The following SNX29 variants were observed in gnomAD, a reference collection of about 807,000 sequenced individuals.
SNX29 encodes sorting nexin 29, also known as sorting nexin-29.
SNX29 carries 78 observed loss-of-function variants against 102.1 expected under a neutral mutation model. That is an observed-to-expected ratio of 0.76 (90% CI 0.64 to 0.92). The LOEUF (loss-of-function observed/expected upper bound fraction) is 0.92. Among genes scored for constraint, SNX29 ranks in the 40% least tolerant of loss-of-function variants. The pLI is 0.00. For missense variants in SNX29, 1,280 were observed against 1,061.7 expected, an observed-to-expected ratio of 1.21 and a Z score of -2.86; for synonymous variants, 580 against 414.5, an observed-to-expected ratio of 1.40 and a Z score of -4.85.
At chr16:12,390,142 A>G (rs1307908941) in intron 16 of SNX29, among the ~76,000 whole-genome samples, 7 of 133,998 alleles carry the variant, frequency 5.2e-5, no homozygotes, top group African/African-American at 2.1e-4. Flanking sequence ...CGTGCGTGCA[A>G]TTGAGGGGTG....
chr16:12,476,351 CAAAAAAAAAAAAAAAAAAAA>C (rs150729550), intron 18 of SNX29, among the ~76,000 whole-genome samples: 1 of 9,048 alleles, frequency 1.1e-4, no homozygotes, highest in Non-Finnish European at 2.2e-4. Flanking sequence ...CGACATTTCT[CAAAAAAAAAAAAAAAAAAAA>C]AAAAAAAAAA....
At chr16:11,979,948 A>G (rs1469462164) in intron 1 of SNX29, among the ~76,000 whole-genome samples, 1 of 152,136 alleles carries the variant, frequency 6.6e-6, no homozygotes. Flanking sequence ...CGGCCATAAC[A>G]TTTTATTTTA....
chr16:12,490,336 A>G (rs142425642), intron 19 of SNX29, among the ~76,000 whole-genome samples: 81 of 152,296 alleles, frequency 5.3e-4, no homozygotes, highest in African/African-American at 1.9e-3. Context: ...TTCTCTCAGC[A>G]TCACATCTGT....
At chr16:12,280,269 T>C (rs1596740175) in intron 15 of SNX29, among the ~76,000 whole-genome samples, 4 of 152,064 alleles carry the variant, frequency 2.6e-5, no homozygotes, top group Non-Finnish European at 5.9e-5. Context: ...GGGAGAAAGG[T>C]GATGCTGTGG....
Position 12,088,222 on chromosome 16 carries a change from C to T in SNX29, c.1402+9307C>T, listed in dbSNP as rs370627229. 7.8e-4 allele frequency: 325 copies of T among 417,890 alleles called. 5 individuals are homozygous for T. The East Asian group carries it at 0.017, about 22-fold the overall frequency. 25.9% of individuals were successfully genotyped at this position (417,890 alleles called of 1,614,324 possible). Reference sequence around the variant, plus strand: ...CAGGAGAGGCAGGAACAGATCTGGTCAGCTGATCCAGCACCTGCAGAAGGC... The same window carrying T: ...CAGGAGAGGCAGGAACAGATCTGGTTAGCTGATCCAGCACCTGCAGAAGGC... On this transcript the variant is annotated intron_variant, in intron 11 of 20. Transcript: ENST00000566228.
intron 14 of SNX29, among the ~76,000 whole-genome samples, chr16:12,241,410 T>G (rs1413203144): frequency 6.6e-6 from 1 of 152,192 alleles, no homozygotes; most frequent in East Asian, 1.9e-4. Flanking sequence ...CTTGGTGTTA[T>G]GTGGACCTAG....
chr16:12,413,608 A>G lies in SNX29; in HGVS notation c.2037+10079A>G, dbSNP rs115968983. Reference sequence around the variant, plus strand: ...TCGAGACAATGGCACCTCGGAAGCAACGAAGTGACGTGAGTGTTCAGTGGT... The same window carrying G: ...TCGAGACAATGGCACCTCGGAAGCAGCGAAGTGACGTGAGTGTTCAGTGGT... On this transcript the variant is annotated intron_variant, in intron 18 of 20. Transcript: ENST00000566228. Among the ~76,000 whole-genome samples the G allele has an allele frequency of 9.3e-3, 1,423 of 152,272 alleles. 21 individuals are homozygous for G. The highest frequency in any genetic ancestry group is 0.032 in the African/African-American group (1,337 of 41,532).
chr16:12,233,462 G>T (rs2077831711), intron 14 of SNX29, among the ~76,000 whole-genome samples: 1 of 152,162 alleles, frequency 6.6e-6, no homozygotes, highest in Non-Finnish European at 1.5e-5. Context: ...AGGAGCAAGG[G>T]TTGAAAAACT....
chr16:12,442,901 AAAAAACTTTTTTT>A, intron 18 of SNX29: 1 of 421,842 alleles, frequency 2.4e-6, no homozygotes, highest in Non-Finnish European at 4.8e-6. Context: ...CTGTGTTCAA[AAAAAACTTTTTTT>A]TCTGGTTTGA....
Position 12,572,585 on chromosome 16 carries a change from G to T in SNX29, c.*3956G>T. The T allele has an allele frequency of 9.4e-7, 1 of 1,064,018 alleles. No individual in the cohort carries two copies. The highest frequency in any genetic ancestry group is 1.1e-6 in the Non-Finnish European group (1 of 878,418). The allele number at this position is 1,064,018 out of a possible 1,614,324, so 65.9% of individuals were successfully genotyped here. A position where few individuals can be genotyped will look rare whatever the true frequency, so the allele number is the denominator to read the frequency against. ...CAGGGAGGTCCAGCCATGTTCTCTG[G>T]GCTCCCAGTGAGCCCCCTCCCCTCC... is the stretch of plus-strand genomic sequence containing the variant. On this transcript the variant is annotated 3_prime_UTR_variant, in exon 21 of 21. Transcript: ENST00000566228.
intron 20 of SNX29, among the ~76,000 whole-genome samples, chr16:12,554,522 G>T (rs1195543262): frequency 1.3e-5 from 2 of 152,216 alleles, no homozygotes; most frequent in African/African-American, 2.4e-5. Context: ...ATGCTGCATT[G>T]AACATTCTCG....
At chr16:12,534,765 G>C (rs905151166) in intron 20 of SNX29, among the ~76,000 whole-genome samples, 3 of 152,146 alleles carry the variant, frequency 2.0e-5, no homozygotes, top group African/African-American at 7.2e-5. Flanking sequence ...TTCTTTCTGC[G>C]TCTACCCCTC....
Position 12,379,743 on chromosome 16 carries a change from G to T in SNX29, c.1900-18703G>T, listed in dbSNP as rs371090682. On this transcript the variant is annotated intron_variant, in intron 16 of 20. Coordinates refer to ENST00000566228, the MANE Select transcript of SNX29 (RefSeq NM_032167.5). Reference sequence around the variant, plus strand: ...CTGATTTCTCTCTGGCAGGGCTGCTGCTTGGGTTTGATCACTGTGAGCAAC... The same window carrying T: ...CTGATTTCTCTCTGGCAGGGCTGCTTCTTGGGTTTGATCACTGTGAGCAAC... 5.9e-5 allele frequency among the ~76,000 whole-genome samples: 9 copies of T among 152,188 alleles called. No individual in the cohort carries two copies. The East Asian group carries it at 1.3e-3, about 23-fold the overall frequency.
At chr16:12,112,697 AG>A (rs1205912325) in intron 11 of SNX29, among the ~76,000 whole-genome samples, 3 of 152,160 alleles carry the variant, frequency 2.0e-5, no homozygotes, top group Non-Finnish European at 4.4e-5. Flanking sequence ...TTCGAGTGAA[AG>A]GGTGCTAAAT....
chr16:12,384,982 C>A (rs1252010697), intron 16 of SNX29, among the ~76,000 whole-genome samples: 1 of 152,160 alleles, frequency 6.6e-6, no homozygotes, highest in Non-Finnish European at 1.5e-5. Flanking sequence ...ACCAGCCTGA[C>A]CAACATGGTG....
At chr16:12,426,535 TACTC>T (rs776529246) in intron 18 of SNX29, among the ~76,000 whole-genome samples, 1 of 152,190 alleles carries the variant, frequency 6.6e-6, no homozygotes, top group Non-Finnish European at 1.5e-5. Context: ...TCACAAGTAA[TACTC>T]ACTATAGAAA....
At chr16:12,318,188 A>G (rs1567432414) in intron 15 of SNX29, among the ~76,000 whole-genome samples, 3 of 152,226 alleles carry the variant, frequency 2.0e-5, no homozygotes, top group African/African-American at 7.2e-5. Context: ...TGAAATTCAC[A>G]TCTTGCTCCG....
chr16:12,395,061 C>T (rs4780427), intron 16 of SNX29, among the ~76,000 whole-genome samples: 79,951 of 152,012 alleles, frequency 0.53, 22,074 homozygotes, highest in East Asian at 0.63. Flanking sequence ...TGTAATTTTT[C>T]TTCTACGGCT....
intron 18 of SNX29, among the ~76,000 whole-genome samples, chr16:12,449,990 G>C (rs113223686): frequency 6.6e-6 from 1 of 152,322 alleles, no homozygotes; most frequent in South Asian, 2.1e-4. Context: ...ATGGGGGGCG[G>C]TTCCCCCATA....
Sources: gnomAD v4.1 joint callset for allele counts (sites outside exome capture counted in the v4.1 genomes callset) on GRCh38, gnomAD v4.1.1 for gene constraint, MANE v1.5 for transcripts, NCBI Gene and HGNC (gene_info 2026-07-23, HGNC 2026-07-21) for gene names.